The following TAF15 variants were observed in gnomAD, a reference collection of about 807,000 sequenced individuals.
TAF15 encodes TATA-binding protein-associated factor 2N.
Under a neutral mutation model 102.5 loss-of-function variants are expected in TAF15, and 37 were observed. The ratio of observed to expected loss-of-function variants is 0.36; its 90% confidence interval spans 0.28 to 0.47. The LOEUF is 0.47. Ranked by LOEUF, TAF15 falls within the 20% of genes least tolerant of loss-of-function variation. TAF15 has a pLI of 0.99. For synonymous variants in TAF15, 273 were observed against 259.2 expected, an observed-to-expected ratio of 1.05 and a Z score of -0.51; for missense variants, 652 against 760.7, an observed-to-expected ratio of 0.86 and a Z score of 1.68.
In TAF15 at chr17:35,843,105, G is replaced by A. The variant is rs2087567008; in HGVS notation, c.1006+646G>A. ...AAGCTGCCTGATACAGTTACTGCCA[G>A]CTTTTTTTTTATTTTTTATTTATTT... On this transcript the variant is annotated intron_variant, in intron 12 of 15. Transcript: ENST00000605844. Among the ~76,000 whole-genome samples the A allele has an allele frequency of 5.9e-5, 9 of 152,054 alleles. 1 individual carries two copies. In the South Asian group the frequency reaches 1.9e-3, roughly 32 times the overall value.
At position 35,838,639 on chromosome 17, in the gene TAF15, A is replaced by T. The variant is rs1025595909; in HGVS notation, c.913+86A>T. ...TGAGAATATGCTCTGGGTGACAGTG[A>T]TTATATTCATGTTTACTTTTGCAGA... On this transcript the variant is annotated intron_variant, in intron 11 of 15. Transcript: ENST00000605844. 3.1e-6 allele frequency: 5 copies of T among 1,588,610 alleles called. No individual in the cohort carries two copies. The African/African-American group carries it at 6.7e-5, about 21-fold the overall frequency.
intron 7 of TAF15, among the ~76,000 whole-genome samples, chr17:35,833,332 T>G (rs1022360258): frequency 6.6e-6 from 1 of 152,170 alleles, no homozygotes; most frequent in Admixed American, 6.5e-5. Flanking sequence ...TTTTAGTCTT[T>G]TATAAGGGTT....
chr17:35,812,459 C>T (rs1392097355), intron 1 of TAF15, among the ~76,000 whole-genome samples: 1 of 151,632 alleles, frequency 6.6e-6, no homozygotes, highest in Admixed American at 6.6e-5. Flanking sequence ...ATCCTACATG[C>T]CTGTAATCCC....
rs1568275573 is a variant in TAF15, at chr17:35,839,451, G to A, written c.913+898G>A. Among the ~76,000 whole-genome samples, 8 of 132,526 alleles carry A rather than the reference G, an allele frequency of 6.0e-5. No homozygotes were observed. In the South Asian group the frequency reaches 1.9e-3, roughly 31 times the overall value. 86.9% of individuals were successfully genotyped at this position (132,526 alleles called of 152,430 possible). On this transcript the variant is annotated intron_variant, in intron 11 of 15. Coordinates refer to ENST00000605844, the MANE Select transcript of TAF15 (RefSeq NM_139215.3). ...GGCTGGAGTGCAGTGGCGCAATCTC[G>A]GCTCACTGCAGGCTCCGCCTCCCGG...
chr17:35,811,765 A>G (rs1316543362), intron 1 of TAF15, among the ~76,000 whole-genome samples: 1 of 152,270 alleles, frequency 6.6e-6, no homozygotes, highest in East Asian at 1.9e-4. Flanking sequence ...TACTGTTTAC[A>G]ACGTGAATTA....
chr17:35,831,853 C>T (rs942136167), intron 7 of TAF15, among the ~76,000 whole-genome samples: 4 of 151,736 alleles, frequency 2.6e-5, no homozygotes, highest in South Asian at 2.1e-4. Context: ...GAGCCTGAGG[C>T]GGGCAGATCA....
In TAF15 at chr17:35,819,109, G is replaced by C. The variant is rs545677455; in HGVS notation, c.48-915G>C. Among the ~76,000 whole-genome samples, 10 of 152,246 alleles carry C rather than the reference G, an allele frequency of 6.6e-5. 1 individual carries two copies. The South Asian group carries it at 2.1e-3, about 32-fold the overall frequency. On this transcript the variant is annotated intron_variant, in intron 2 of 15. Transcript: ENST00000605844. Reference sequence around the variant, plus strand: ...CTCAGAATAGCACCTCAGATATCTTGTCAAATTTTAAGCTTCCTGAAAAAC... The same window carrying C: ...CTCAGAATAGCACCTCAGATATCTTCTCAAATTTTAAGCTTCCTGAAAAAC...
chr17:35,833,840 T>G, intron 7 of TAF15, 67 bp from the exon 8 acceptor site: 1 of 1,536,160 alleles, frequency 6.5e-7, no homozygotes. Context: ...TAAGTGTAGA[T>G]TGAGCCCAGG....
At chr17:35,825,353 C>T (rs1334410585) in intron 7 of TAF15, among the ~76,000 whole-genome samples, 1 of 152,138 alleles carries the variant, frequency 6.6e-6, no homozygotes, top group East Asian at 1.9e-4. Context: ...TCTTCATTGT[C>T]AAAGAGCAGT....
At position 35,813,992 on chromosome 17, in the gene TAF15, T is replaced by TTTGTTG. The variant is rs201603145; in HGVS notation, c.8-3709_8-3704dup. ...TTTGAATTTTCTTTTTTCTGTTTTTTTTGTTGTTGTTGTTGTTGTTTTTGT... is the reference window on the plus strand; with the variant it reads ...TTTGAATTTTCTTTTTTCTGTTTTTTTTGTTGTTGTTGTTGTTGTTGTTGTTTTTGT... On this transcript the variant is annotated intron_variant, in intron 1 of 15. Coordinates refer to ENST00000605844, the MANE Select transcript of TAF15 (RefSeq NM_139215.3). Among the ~76,000 whole-genome samples the TTTGTTG allele has an allele frequency of 6.5e-5, 9 of 137,720 alleles. No homozygotes were observed. In the East Asian group the frequency reaches 9.9e-4, roughly 15 times the overall value. The allele number at this position is 137,720 out of a possible 152,430, so 90.3% of individuals were successfully genotyped here. A position where few individuals can be genotyped will look rare whatever the true frequency, so the allele number is the denominator to read the frequency against.
At chr17:35,840,212 C>T (rs1271996127) in intron 11 of TAF15, among the ~76,000 whole-genome samples, 2 of 151,332 alleles carry the variant, frequency 1.3e-5, no homozygotes, top group African/African-American at 4.9e-5. Context: ...GATTATTGTA[C>T]CTCCATCTTC....
chr17:35,839,995 A>G (rs1250335065), intron 11 of TAF15, among the ~76,000 whole-genome samples: 1 of 152,118 alleles, frequency 6.6e-6, no homozygotes, highest in Non-Finnish European at 1.5e-5. Context: ...AACTCAATTT[A>G]ATCTTCATAA....
intron 11 of TAF15, 28 bp downstream of exon 11, chr17:35,838,581 A>T (rs745372717): frequency 6.2e-7 from 1 of 1,611,522 alleles, no homozygotes; most frequent in Non-Finnish European, 8.5e-7. Flanking sequence ...AGTTTTCAGC[A>T]TGAAGTTGGA....
At chr17:35,821,384 A>T (rs574827275) in intron 5 of TAF15, among the ~76,000 whole-genome samples, 1 of 152,304 alleles carries the variant, frequency 6.6e-6, no homozygotes, top group Non-Finnish European at 1.5e-5. Flanking sequence ...TTTATAAATG[A>T]TGTATTTTTG....
intron 7 of TAF15, among the ~76,000 whole-genome samples, chr17:35,828,353 A>G (rs561803396): frequency 7.0e-4 from 107 of 152,378 alleles, no homozygotes; most frequent in African/African-American, 2.5e-3. Context: ...TAATAGCCAC[A>G]TTAAAAAGAA....
Position 35,837,078 on chromosome 17 carries a change from A to G in TAF15, c.783+837A>G, listed in dbSNP as rs558994347. Among the ~76,000 whole-genome samples the G allele has an allele frequency of 1.2e-3, 182 of 151,890 alleles. 1 individual carries two copies. The highest frequency in any genetic ancestry group is 4.0e-3 in the African/African-American group (165 of 41,422). Reference sequence around the variant, plus strand: ...AGGAATGAGCCACCGTGCCCGGCCTACTCACTTTTTTCTTTCTTTGGGAGT... The same window carrying G: ...AGGAATGAGCCACCGTGCCCGGCCTGCTCACTTTTTTCTTTCTTTGGGAGT... On this transcript the variant is annotated intron_variant, in intron 10 of 15. Coordinates refer to ENST00000605844, the MANE Select transcript of TAF15 (RefSeq NM_139215.3).
At chr17:35,820,612 T>C (rs2087247234) in intron 5 of TAF15, among the ~76,000 whole-genome samples, 175 bp downstream of exon 5, 1 of 152,146 alleles carries the variant, frequency 6.6e-6, no homozygotes, top group African/African-American at 2.4e-5. Context: ...AGCATTGTCA[T>C]TTGATTCTTA....
At chr17:35,834,893 G>C (rs534461641) in intron 9 of TAF15, among the ~76,000 whole-genome samples, 1 of 151,760 alleles carries the variant, frequency 6.6e-6, no homozygotes, top group Non-Finnish European at 1.5e-5. Flanking sequence ...CTACAGGTGC[G>C]CGCCACCATG....
intron 7 of TAF15, among the ~76,000 whole-genome samples, chr17:35,826,295 C>G (rs570125185): frequency 6.6e-6 from 1 of 152,076 alleles, no homozygotes; most frequent in African/African-American, 2.4e-5. Context: ...TTGCCTTATA[C>G]TCTGTTATTT....
Sources: allele counts gnomAD v4.1 joint callset (sites outside exome capture counted in the v4.1 genomes callset), GRCh38; gene constraint gnomAD v4.1.1; transcripts MANE v1.5; gene names NCBI Gene and HGNC (gene_info 2026-07-23, HGNC 2026-07-21).